The following MACF1 variants were observed in gnomAD, a reference collection of about 807,000 sequenced individuals.
The protein encoded by MACF1 is microtubule actin crosslinking factor 1.
In MACF1, 193 loss-of-function variants were observed where a neutral mutation model predicts 854.8. The ratio of observed to expected loss-of-function variants is 0.23; its 90% CI spans 0.20 to 0.25. The LOEUF is 0.25. Ranked by LOEUF, MACF1 falls within the 10% of genes least tolerant of loss-of-function variation. The probability of loss-of-function intolerance (pLI) is 1.00; values close to 1 mark genes in which losing one functional copy is unlikely to be tolerated. For synonymous variants in MACF1, 3,185 were observed against 3,226.7 expected (o/e 0.99, Z 0.44); for missense variants, 7,722 against 8,929.1 (o/e 0.86, Z 5.45).
At chr1:39,196,629 C>A (rs1644323880) in intron 2 of MACF1, among the ~76,000 whole-genome samples, 1 of 152,176 alleles carries the variant, frequency 6.6e-6, no homozygotes, top group African/African-American at 2.4e-5. Context: ...TTTTAAAAGA[C>A]TTCTCTCTTT....
At chr1:39,330,370 G>C (rs1646697058) in intron 36 of MACF1, among the ~76,000 whole-genome samples, 1 of 152,122 alleles carries the variant, frequency 6.6e-6, no homozygotes, top group African/African-American at 2.4e-5. Flanking sequence ...CAATTGTTCT[G>C]GAGCTTCTGG....
rs1484267428 is a variant in MACF1 at position 39,105,564 on chromosome 1, A to AGC, written c.220+21132_220+21133dup. ...TCGAGGCTGGGGCCGCCGCCGCCTC[A>AGC]GCGCGCGGGCCTGGAACCGGCAGCC... On this transcript the variant is annotated intron_variant, in intron 2 of 93. Coordinates refer to the MACF1 transcript ENST00000361689. The surrounding 1 kb of genome is among the most constrained non-coding windows in gnomAD (Gnocchi z 5.9). The AGC allele has an allele frequency of 1.8e-6, 2 of 1,083,898 alleles. No individual in the cohort carries two copies. The highest frequency in any genetic ancestry group is 2.2e-6 in the Non-Finnish European group (2 of 889,900). The allele number at this position is 1,083,898 out of a possible 1,614,324, so 67.1% of individuals were successfully genotyped here. A position where few individuals can be genotyped will look rare whatever the true frequency, so the allele number is the denominator to read the frequency against.
At chr1:39,102,184 A>G (rs1642101535) in intron 2 of MACF1, among the ~76,000 whole-genome samples, 1 of 80,466 alleles carries the variant, frequency 1.2e-5, no homozygotes, top group Admixed American at 1.5e-4. Flanking sequence ...AAAAAAAAGA[A>G]GAAAAAGAAA....
At chr1:39,477,090 T>TATAC (rs1350608847) in intron 97 of MACF1, among the ~76,000 whole-genome samples, 149 of 26,166 alleles carry the variant, frequency 5.7e-3, no homozygotes, top group Non-Finnish European at 7.5e-3. Context: ...TATATATATA[T>TATAC]ACACACACAC....
In MACF1 at chr1:39,427,936, T is replaced by C. The variant is rs750734063; in HGVS notation, c.16477-25T>C. ...TTTTCATTTATTTTGTTTCTGTTAT[T>C]CATTTTTTCCATCTGGATTTCCAGG... On this transcript the variant is annotated intron_variant, in intron 62 of 100. Coordinates refer to ENST00000564288, the MANE Select transcript of MACF1 (RefSeq NM_001394062.1). The C allele has an allele frequency of 2.6e-6, 4 of 1,531,344 alleles. No homozygotes were observed. The South Asian group carries it at 4.7e-5, about 18-fold the overall frequency. 94.9% of individuals were successfully genotyped at this position (1,531,344 alleles called of 1,614,324 possible).
rs1479683924 is a variant in MACF1, at chr1:39,385,590, G to A, written c.14005G>A (p.Asp4669Asn). The A allele has an allele frequency of 6.2e-7, 1 of 1,614,130 alleles. No individual in the cohort carries two copies. The highest frequency in any genetic ancestry group is 1.7e-5 in the Admixed American group (1 of 60,002). ...SINQKWVELT[D>N]KLNSRSSQID... ...CAATCAGAAATGGGTTGAGCTGACT[G>A]ACAAACTCAACTCCCGTTCCAGCCA... is the stretch of plus-strand genomic sequence containing the variant. The change falls in exon 57 of 101, where the codon GAC (aspartate) becomes AAC (asparagine). Residue 4669 changes from aspartate to asparagine, a missense_variant. Transcript: ENST00000564288.
intron 2 of MACF1, among the ~76,000 whole-genome samples, chr1:39,234,202 C>T (rs1475927692): frequency 6.6e-6 from 1 of 151,952 alleles, no homozygotes; most frequent in Non-Finnish European, 1.5e-5. Context: ...TCTACACAGA[C>T]ACGGCAACCA....
chr1:39,308,527 A>G (rs1646235541), intron 23 of MACF1, among the ~76,000 whole-genome samples: 1 of 152,160 alleles, frequency 6.6e-6, no homozygotes, highest in South Asian at 2.1e-4. Context: ...AAGAAATTCA[A>G]GGTAACGTGG....
chr1:39,254,667 A>T (rs1289087877), intron 5 of MACF1: 1 of 338,824 alleles, frequency 3.0e-6, no homozygotes, highest in Non-Finnish European at 5.4e-6. Context: ...GAAGATGAAA[A>T]ATAAACTAGA....
intron 89 of MACF1, chr1:39,456,897 TG>T (rs1644451433): frequency 6.6e-6 from 1 of 152,388 alleles, no homozygotes. Context: ...GTAACCTAGC[TG>T]GCTCTTCATC....
chr1:39,225,100 C>T (rs1373813656), intron 1 of MACF1, among the ~76,000 whole-genome samples: 1 of 152,164 alleles, frequency 6.6e-6, no homozygotes, highest in Non-Finnish European at 1.5e-5. Flanking sequence ...AGGAGGATTG[C>T]TTGAGCCTAG....
At chr1:39,410,719 CTCAGT>C in intron 58 of MACF1, 1 of 1,613,926 alleles carries the variant, frequency 6.2e-7, no homozygotes, top group Non-Finnish European at 8.5e-7. Context: ...AGAAGCTTCT[CTCAGT>C]GAGGTTTCAG....
rs1241643894 is a variant in MACF1, at chr1:39,409,077, A to C, written c.15817-13297A>C. ...GAGGAGAGCCGCCCGCCAGCCGAGCACTTCCAGCGAGCTAGCGAGCTAGCG... is the reference window on the plus strand; with the variant it reads ...GAGGAGAGCCGCCCGCCAGCCGAGCCCTTCCAGCGAGCTAGCGAGCTAGCG... On this transcript the variant is annotated intron_variant, in intron 58 of 100. Coordinates refer to ENST00000564288, the MANE Select transcript of MACF1 (RefSeq NM_001394062.1). This position sits in a 1 kb window ranked among gnomAD's most constrained non-coding sequence, Gnocchi z 4.2. Among the ~76,000 whole-genome samples, 3 of 151,524 alleles carry C rather than the reference A, an allele frequency of 2.0e-5. No individual in the cohort carries two copies. The highest frequency in any genetic ancestry group is 4.4e-5 in the Non-Finnish European group (3 of 67,818).
intron 2 of MACF1, among the ~76,000 whole-genome samples, chr1:39,199,461 A>G (rs1032662189): frequency 2.0e-5 from 3 of 152,008 alleles, no homozygotes; most frequent in African/African-American, 7.2e-5. Flanking sequence ...GGGCTGTAAC[A>G]TAGTAAGATC....
chr1:39,375,031 A>ACC (rs58224767), intron 52 of MACF1, among the ~76,000 whole-genome samples: 19,841 of 151,480 alleles, frequency 0.13, 2,515 homozygotes, highest in African/African-American at 0.33. Flanking sequence ...AATGGCATGA[A>ACC]CCCGGGAGGC....
rs1557571195 is a variant in MACF1, at chr1:39,296,751, A to AAGGAAGGAAGGAAGGAAGG, written c.2356-868_2356-867insGGAAGGAAGGAAGGAAGGA. 3.9e-4 allele frequency among the ~76,000 whole-genome samples: 37 copies of AAGGAAGGAAGGAAGGAAGG among 93,718 alleles called. 1 individual carries two copies. The highest frequency in any genetic ancestry group is 1.3e-3 in the African/African-American group (28 of 22,260). 61.5% of individuals were successfully genotyped at this position (93,718 alleles called of 152,430 possible). On this transcript the variant is annotated intron_variant, in intron 20 of 100. Transcript: ENST00000564288. Reference sequence around the variant, plus strand: ...AATAAAAAGAAAGAAAGAAAGAAAGAAAGGAAGGAAGGAAGGAAGGAAAAG... The same window carrying AAGGAAGGAAGGAAGGAAGG: ...AATAAAAAGAAAGAAAGAAAGAAAGAAGGAAGGAAGGAAGGAAGGAAGGAAGGAAGGAAGGAAGGAAAAG...
intron 2 of MACF1, among the ~76,000 whole-genome samples, chr1:39,175,154 A>G (rs1349234898): frequency 6.6e-6 from 1 of 152,114 alleles, no homozygotes; most frequent in Non-Finnish European, 1.5e-5. Flanking sequence ...CTTGCAAAGT[A>G]AAATCTCATC....
At chr1:39,390,815 T>A (rs752374302) in intron 58 of MACF1, among the ~76,000 whole-genome samples, 2 of 152,102 alleles carry the variant, frequency 1.3e-5, no homozygotes, top group Non-Finnish European at 2.9e-5. Flanking sequence ...CCAAAATAGT[T>A]TTGTTTTATC....
chr1:39,374,837 G>C (rs7536582), intron 52 of MACF1, among the ~76,000 whole-genome samples: 4,321 of 152,140 alleles, frequency 0.028, 85 homozygotes, highest in South Asian at 0.043. Flanking sequence ...GCTGCCGGGC[G>C]CAGTGGCTCA....
Sources: gnomAD v4.1 joint callset for allele counts (sites outside exome capture counted in the v4.1 genomes callset) on GRCh38, gnomAD v4.1.1 for gene constraint, Gnocchi (gnomAD v3.1) non-coding constraint, MANE v1.5 for transcripts, NCBI Gene and HGNC (gene_info 2026-07-23, HGNC 2026-07-21) for gene names.